WASHC4: variants seen among roughly 807,000 people sequenced by gnomAD.
The protein encoded by WASHC4 is WASH complex subunit 4.
WASHC4 carries 86 observed loss-of-function variants against 166.6 expected under a neutral mutation model. The ratio of observed to expected loss-of-function variants is 0.52; its 90% CI spans 0.43 to 0.62. The LOEUF is 0.62. Ranked by LOEUF, WASHC4 falls within the 20% of genes least tolerant of loss-of-function variation. The pLI is 0.00. For missense variants in WASHC4, 1,262 were observed against 1,382.4 expected (o/e 0.91, Z 1.38); for synonymous variants, 446 against 451.6 (o/e 0.99, Z 0.16).
In WASHC4 at chr12:105,118,449, C is replaced by CT; in HGVS notation, c.440dup (p.Ser148ValfsTer9). 6.2e-7 allele frequency: 1 copy of CT among 1,610,968 alleles called. No individual in the cohort carries two copies. The highest frequency in any genetic ancestry group is 8.5e-7 in the Non-Finnish European group (1 of 1,177,088). On this transcript the variant is annotated frameshift_variant, in exon 7 of 33. Transcript: ENST00000332180. LOFTEE classifies it high-confidence loss of function. Reference sequence around the variant, plus strand: ...TATACCCACCTTCTCGTTTCAGGAACTGTCTTGCTTTGTTACGAGGTGCTA... The same window carrying CT: ...TATACCCACCTTCTCGTTTCAGGAACTTGTCTTGCTTTGTTACGAGGTGCTA...
At chr12:105,151,165 A>G (rs1160495961) in intron 25 of WASHC4, among the ~76,000 whole-genome samples, 6 of 151,524 alleles carry the variant, frequency 4.0e-5, no homozygotes, top group African/African-American at 1.5e-4. Context: ...AAAAAAAAAA[A>G]AAAAAGAACG....
intron 18 of WASHC4, 103 bp downstream of exon 18, chr12:105,141,349 G>A: frequency 1.1e-6 from 1 of 871,970 alleles, no homozygotes; most frequent in South Asian, 1.3e-5. Context: ...TTCAGATCGA[G>A]CATTAGTTCC....
At chr12:105,153,267 G>A (rs974550881) in intron 26 of WASHC4, among the ~76,000 whole-genome samples, 1 of 152,132 alleles carries the variant, frequency 6.6e-6, no homozygotes, top group Non-Finnish European at 1.5e-5. Context: ...CTAAGCATCT[G>A]TTATGCCACA....
intron 2 of WASHC4, 112 bp from the exon 3 acceptor site, chr12:105,114,104 G>A: frequency 1.1e-6 from 1 of 884,258 alleles, no homozygotes; most frequent in Non-Finnish European, 1.8e-6. Context: ...CTAATGTTGA[G>A]TACAGGATCT....
intron 19 of WASHC4, among the ~76,000 whole-genome samples, 194 bp from the exon 20 acceptor site, chr12:105,142,933 T>C (rs1882989597): frequency 6.6e-6 from 1 of 152,096 alleles, no homozygotes; most frequent in Non-Finnish European, 1.5e-5. Context: ...CTAGCGAATG[T>C]GATTTTTTTT....
rs560309352 is a variant in WASHC4, at chr12:105,122,018, G to A, written c.666-100G>A. ...TTTTCAAATGTGTAGAGCCAAACAA[G>A]AAATATAAATATAAAATTTTGACTT... On this transcript the variant is annotated intron_variant, in intron 9 of 32. Transcript: ENST00000332180. 198 of 820,314 alleles carry A rather than the reference G, an allele frequency of 2.4e-4. 1 individual carries two copies. Among genetic ancestry groups the A allele is most frequent in the Middle Eastern group, 2.2e-3 (6 of 2,790 alleles). The allele number at this position is 820,314 out of a possible 1,614,324, so 50.8% of individuals were successfully genotyped here.
At position 105,152,102 on chromosome 12, in the gene WASHC4, A is replaced by G. The variant is rs150428983; in HGVS notation, c.2650-241A>G. ...AGAGTTGTTGGAGGTTAGGAGACTA[A>G]TAATTGTGGTAGGGAAATTAGGTTA... On this transcript the variant is annotated intron_variant, in intron 25 of 32. Transcript: ENST00000332180. 2.8e-3 allele frequency among the ~76,000 whole-genome samples: 426 copies of G among 152,086 alleles called. 4 individuals carry two copies. The highest frequency in any genetic ancestry group is 9.4e-3 in the African/African-American group (391 of 41,540).
chr12:105,155,492 TG>T (rs1884077304), intron 26 of WASHC4, among the ~76,000 whole-genome samples: 1 of 196 alleles, frequency 5.1e-3, no homozygotes, highest in Non-Finnish European at 0.011. Context: ...GCAAGATCGA[TG>T]TCAGGATTTT....
Position 105,116,691 on chromosome 12 carries a change from A to T in WASHC4, c.435+963A>T, listed in dbSNP as rs191011901. Among the ~76,000 whole-genome samples the T allele has an allele frequency of 9.5e-4, 145 of 152,342 alleles. 1 individual carries two copies. Among genetic ancestry groups the T allele is most frequent in the African/African-American group, 3.2e-3 (135 of 41,570 alleles). Reference sequence around the variant, plus strand: ...CTATAGTAACCTTTTTATTATCGGTATGTATCCCATAACATGTTGTATACC... The same window carrying T: ...CTATAGTAACCTTTTTATTATCGGTTTGTATCCCATAACATGTTGTATACC... On this transcript the variant is annotated intron_variant, in intron 6 of 32. Coordinates refer to ENST00000332180, the MANE Select transcript of WASHC4 (RefSeq NM_015275.3).
intron 29 of WASHC4, 119 bp downstream of exon 29, chr12:105,160,267 A>G (rs1884415173): frequency 1.2e-6 from 1 of 822,944 alleles, no homozygotes; most frequent in East Asian, 2.5e-5. Flanking sequence ...CTGGTTGCAT[A>G]TAAAACTAAA....
At chr12:105,160,274 T>A in intron 29 of WASHC4, 126 bp downstream of exon 29, 1 of 792,120 alleles carries the variant, frequency 1.3e-6, no homozygotes, top group Non-Finnish European at 2.1e-6. Flanking sequence ...CATATAAAAC[T>A]AAATGTGATC....
chr12:105,135,366 C>G (rs150183308), intron 14 of WASHC4, among the ~76,000 whole-genome samples: 3 of 150,162 alleles, frequency 2.0e-5, no homozygotes, highest in African/African-American at 7.3e-5. Flanking sequence ...TCATTTCAAT[C>G]ATTTTGCTGT....
intron 2 of WASHC4, among the ~76,000 whole-genome samples, chr12:105,113,298 T>A (rs1488787984): frequency 2.0e-5 from 3 of 152,118 alleles, no homozygotes; most frequent in Non-Finnish European, 2.9e-5. Context: ...TAAGACTTGC[T>A]GTTGGGCTTT....
At chr12:105,120,676 T>TGA in intron 8 of WASHC4, 79 bp downstream of exon 8, 1 of 993,968 alleles carries the variant, frequency 1.0e-6, no homozygotes, top group Non-Finnish European at 1.6e-6. Context: ...TTGGAGAGTA[T>TGA]GACAGTCATA....
intron 7 of WASHC4, among the ~76,000 whole-genome samples, chr12:105,119,222 C>G (rs1880485573): frequency 6.6e-6 from 1 of 152,184 alleles, no homozygotes; most frequent in South Asian, 2.1e-4. Flanking sequence ...TACTGCCTGG[C>G]TGCTGCTGGA....
chr12:105,137,597 T>G (rs965812222), intron 14 of WASHC4, among the ~76,000 whole-genome samples: 1 of 152,186 alleles, frequency 6.6e-6, no homozygotes, highest in African/African-American at 2.4e-5. Flanking sequence ...ACTCAAAGCT[T>G]TTTTAAGGGA....
chr12:105,159,595 G>T (rs1472578061), intron 28 of WASHC4, among the ~76,000 whole-genome samples: 1 of 148,408 alleles, frequency 6.7e-6, no homozygotes, highest in African/African-American at 2.5e-5. Flanking sequence ...AAAAGCAGCT[G>T]ATGTTTTTGA....
chr12:105,119,210 G>A (rs952176601), intron 7 of WASHC4, among the ~76,000 whole-genome samples: 1 of 152,152 alleles, frequency 6.6e-6, no homozygotes, highest in Admixed American at 6.5e-5. Context: ...CTGAGGAGGT[G>A]ATACTGCCTG....
intron 29 of WASHC4, among the ~76,000 whole-genome samples, chr12:105,161,873 G>A (rs1328664705): frequency 1.3e-5 from 2 of 152,126 alleles, no homozygotes; most frequent in Non-Finnish European, 2.9e-5. Flanking sequence ...TCCATGTATA[G>A]TCACATGTGG....
Sources: gnomAD v4.1 joint callset for allele counts (sites outside exome capture counted in the v4.1 genomes callset) on GRCh38, gnomAD v4.1.1 for gene constraint, MANE v1.5 for transcripts, NCBI Gene and HGNC (gene_info 2026-07-23, HGNC 2026-07-21) for gene names.